RBFOX1: variants seen among roughly 807,000 people sequenced by gnomAD.
RBFOX1 encodes RNA binding protein fox-1 homolog 1.
In RBFOX1, 8 loss-of-function variants were observed where a neutral mutation model predicts 57.7. The observed-to-expected ratio is 0.14, with a 90% CI of 0.08 to 0.25. The LOEUF (loss-of-function observed/expected upper bound fraction) is 0.25. RBFOX1 is among the 10% of genes least tolerant of loss of function. The pLI is 1.00. For missense variants in RBFOX1, 611 were observed against 548.5 expected, an observed-to-expected ratio of 1.11 and a Z score of -1.14; for synonymous variants, 326 against 222.4, an observed-to-expected ratio of 1.47 and a Z score of -4.15.
At chr16:6,579,086 G>A (rs1378953452) in intron 2 of RBFOX1, among the ~76,000 whole-genome samples, 1 of 152,128 alleles carries the variant, frequency 6.6e-6, no homozygotes, top group Non-Finnish European at 1.5e-5. Context: ...GCTCAAAAAT[G>A]AGGCTACTGA....
In RBFOX1 at chr16:5,407,927, A is replaced by G. The variant is rs974287547; in HGVS notation, c.220-59289A>G. Among the ~76,000 whole-genome samples, 4 of 152,230 alleles carry G rather than the reference A, an allele frequency of 2.6e-5. 1 individual carries two copies. Among genetic ancestry groups the G allele is most frequent in the Non-Finnish European group, 5.9e-5 (4 of 68,040 alleles). ...ATGGGATTAGATTTACATTTTGGCA[A>G]GATCACTGCCCAGGACCCAATTTGG... On this transcript the variant is annotated intron_variant, in intron 1 of 2. Coordinates refer to the RBFOX1 transcript ENST00000585867.
At chr16:6,703,216 A>G (rs2062128893) in intron 3 of RBFOX1, among the ~76,000 whole-genome samples, 1 of 152,134 alleles carries the variant, frequency 6.6e-6, no homozygotes, top group Non-Finnish European at 1.5e-5. Context: ...GCTACTGTAA[A>G]TAATGCTTCT....
At chr16:7,198,101 G>C (rs539703593) in intron 4 of RBFOX1, among the ~76,000 whole-genome samples, 1 of 145,158 alleles carries the variant, frequency 6.9e-6, no homozygotes, top group Admixed American at 7.1e-5. Flanking sequence ...CACCTCCTGG[G>C]TTCACGCCAT....
At chr16:6,454,824 A>G (rs191345674) in intron 2 of RBFOX1, among the ~76,000 whole-genome samples, 40 of 132,544 alleles carry the variant, frequency 3.0e-4, no homozygotes, top group African/African-American at 4.3e-4. Context: ...TCCGTCCCCT[A>G]TTATTCTCTC....
intron 4 of RBFOX1, among the ~76,000 whole-genome samples, chr16:7,174,427 G>A (rs1051735825): frequency 6.6e-6 from 1 of 152,020 alleles, no homozygotes; most frequent in African/African-American, 2.4e-5. Flanking sequence ...ACCTTTCTTG[G>A]GTAGATATTT....
chr16:5,733,605 G>C lies in RBFOX1; in HGVS notation c.319-133698G>C, dbSNP rs186050882. Among the ~76,000 whole-genome samples, 284 of 152,238 alleles carry C rather than the reference G, an allele frequency of 1.9e-3. 2 individuals carry two copies. The highest frequency in any genetic ancestry group is 6.8e-3 in the Middle Eastern group (2 of 294). The stretch of plus-strand genomic sequence containing the variant: ...ATCATGAAGTCAGCATGGTCACCTA[G>C]TCCCCAAGGTGCCTCATGATGTTAC... On this transcript the variant is annotated intron_variant, in intron 3 of 19. Transcript: ENST00000641259.
At chr16:6,022,059 T>C (rs936385413) in intron 1 of RBFOX1, among the ~76,000 whole-genome samples, 33 of 152,290 alleles carry the variant, frequency 2.2e-4, no homozygotes, top group African/African-American at 7.7e-4. Flanking sequence ...CCCATTCTGC[T>C]CTCTGCATGT....
At chr16:7,427,808 C>G (rs1043687144) in intron 4 of RBFOX1, among the ~76,000 whole-genome samples, 5 of 151,950 alleles carry the variant, frequency 3.3e-5, no homozygotes, top group Non-Finnish European at 7.4e-5. Context: ...CATGTGCTAC[C>G]ACGCCCAGTT....
intron 3 of RBFOX1, among the ~76,000 whole-genome samples, chr16:6,681,037 A>T (rs1425372710): frequency 6.6e-6 from 1 of 152,206 alleles, no homozygotes; most frequent in African/African-American, 2.4e-5. Flanking sequence ...TAGGCTGGGC[A>T]TGATGGCTCA....
chr16:6,632,749 C>T (rs989236648), intron 2 of RBFOX1, among the ~76,000 whole-genome samples: 6 of 152,218 alleles, frequency 3.9e-5, no homozygotes, highest in South Asian at 2.1e-4. Context: ...TAAGCAGCCG[C>T]AAGGCCTATG....
chr16:7,644,808 C>T (rs1286847206), intron 11 of RBFOX1, among the ~76,000 whole-genome samples: 2 of 152,132 alleles, frequency 1.3e-5, no homozygotes, highest in Non-Finnish European at 2.9e-5. Flanking sequence ...ATGATGGTAA[C>T]TGGTAACAGT....
intron 2 of RBFOX1, among the ~76,000 whole-genome samples, chr16:6,570,060 C>A (rs537638760): frequency 5.3e-5 from 8 of 152,246 alleles, no homozygotes; most frequent in African/African-American, 1.9e-4. Flanking sequence ...TGTTGTCATG[C>A]GCTTGAAGTA....
At chr16:5,346,311 C>A (rs768294968) in intron 1 of RBFOX1, among the ~76,000 whole-genome samples, 5 of 152,198 alleles carry the variant, frequency 3.3e-5, no homozygotes, top group Non-Finnish European at 7.3e-5. Context: ...ACTTGCCTGG[C>A]ACATCTTCAG....
chr16:6,654,016 G>T (rs914823583), intron 2 of RBFOX1, among the ~76,000 whole-genome samples: 9 of 150,324 alleles, frequency 6.0e-5, no homozygotes, highest in Admixed American at 4.6e-4. Context: ...TAGAGGAAGG[G>T]TGGGTGGGTC....
At chr16:5,918,830 C>T (rs764393707) in intron 4 of RBFOX1, among the ~76,000 whole-genome samples, 1 of 152,132 alleles carries the variant, frequency 6.6e-6, no homozygotes, top group Non-Finnish European at 1.5e-5. Context: ...GCAGGCTTGG[C>T]CAGAGTAAGA....
At chr16:5,821,196 G>A (rs1178491581) in intron 3 of RBFOX1, among the ~76,000 whole-genome samples, 1 of 152,092 alleles carries the variant, frequency 6.6e-6, no homozygotes, top group East Asian at 1.9e-4. Flanking sequence ...TAACATGGGG[G>A]GCTGCCTCAG....
intron 1 of RBFOX1, among the ~76,000 whole-genome samples, chr16:6,159,279 G>C (rs1032732384): frequency 6.6e-6 from 1 of 152,074 alleles, no homozygotes; most frequent in Non-Finnish European, 1.5e-5. Flanking sequence ...GTTTCACCAT[G>C]TTGGCCAAGT....
At chr16:6,708,173 C>A (rs991888684) in intron 3 of RBFOX1, among the ~76,000 whole-genome samples, 2 of 152,036 alleles carry the variant, frequency 1.3e-5, no homozygotes, top group African/African-American at 4.8e-5. Context: ...ATGACTTTTC[C>A]CCTTGTTTCT....
At chr16:5,833,649 G>C (rs2056359949) in intron 3 of RBFOX1, among the ~76,000 whole-genome samples, 2 of 152,120 alleles carry the variant, frequency 1.3e-5, no homozygotes, top group Admixed American at 6.5e-5. Context: ...GAAAGATAAG[G>C]ATGATTTGTG....
Sources: allele counts gnomAD v4.1 joint callset (sites outside exome capture counted in the v4.1 genomes callset), GRCh38; gene constraint gnomAD v4.1.1; transcripts MANE v1.5; gene names NCBI Gene and HGNC (gene_info 2026-07-23, HGNC 2026-07-21).